The following EIF4G3 variants were observed in gnomAD, a reference collection of about 807,000 sequenced individuals.
The protein encoded by EIF4G3 is eIF-4-gamma 3.
Under a neutral mutation model 186.4 loss-of-function variants are expected in EIF4G3, and 34 were observed. That is an observed-to-expected ratio of 0.18 (90% CI 0.14 to 0.24). EIF4G3 has a LOEUF of 0.24. Among genes scored for constraint, EIF4G3 ranks in the 10% least tolerant of loss-of-function variants. EIF4G3 has a pLI of 1.00. For missense variants in EIF4G3, 1,536 were observed against 1,948.5 expected (o/e 0.79, Z 3.99); for synonymous variants, 673 against 679.5 (o/e 0.99, Z 0.15).
At chr1:21,095,434 C>T (rs569758930) in intron 2 of EIF4G3, among the ~76,000 whole-genome samples, 41 of 152,130 alleles carry the variant, frequency 2.7e-4, no homozygotes, top group Non-Finnish European at 5.0e-4. Context: ...ACCTCACTCA[C>T]CAGAGTAGCT....
At chr1:20,828,247 G>C (rs111983451) in intron 31 of EIF4G3, among the ~76,000 whole-genome samples, 175 of 152,164 alleles carry the variant, frequency 1.2e-3, no homozygotes, top group African/African-American at 4.1e-3. Flanking sequence ...GGCCAGGATG[G>C]TTTTGATTTC....
At chr1:21,072,688 C>T (rs2095479594) in intron 3 of EIF4G3, among the ~76,000 whole-genome samples, 1 of 152,160 alleles carries the variant, frequency 6.6e-6, no homozygotes, top group African/African-American at 2.4e-5. Flanking sequence ...AGGCGTGAGC[C>T]ACCACGCCTA....
rs369456402 is a variant in EIF4G3 at position 20,906,170 on chromosome 1, T to C, written c.1664-1199A>G. 9.8e-4 allele frequency among the ~76,000 whole-genome samples: 149 copies of C among 152,306 alleles called. 1 individual carries two copies. The Middle Eastern group carries it at 0.01, about 10-fold the overall frequency. On this transcript the variant is annotated intron_variant, in intron 14 of 36. Coordinates refer to ENST00000602326, the MANE Select transcript of EIF4G3 (RefSeq NM_001391906.1). Reference sequence around the variant, plus strand: ...GGAAACACTAATAGACCAGCTGACATTCTTCCTTTGTGTCCTACTCAAGGT... The same window carrying C: ...GGAAACACTAATAGACCAGCTGACACTCTTCCTTTGTGTCCTACTCAAGGT...
At position 20,807,186 on chromosome 1, in the gene EIF4G3, C is replaced by T. The variant is rs2058228423; in HGVS notation, c.*133G>A. On this transcript the variant is annotated 3_prime_UTR_variant, in exon 37 of 37. Transcript: ENST00000602326. The stretch of plus-strand genomic sequence containing the variant: ...CCATGATCACCTTTTTTTCTCTTTC[C>T]CCTCTCCCACTCGTGCACACGTGGG... 2.9e-6 allele frequency: 2 copies of T among 684,298 alleles called. No individual in the cohort carries two copies. The highest frequency in any genetic ancestry group is 3.3e-5 in the Admixed American group (1 of 30,748). The allele number at this position is 684,298 out of a possible 1,614,324, so 42.4% of individuals were successfully genotyped here.
chr1:21,132,604 A>G (rs573408372), intron 2 of EIF4G3, among the ~76,000 whole-genome samples: 1 of 151,918 alleles, frequency 6.6e-6, no homozygotes, highest in South Asian at 2.1e-4. Context: ...CACACCAAGC[A>G]TATTTTTTAT....
chr1:20,931,510 A>G (rs1176839192), intron 14 of EIF4G3, among the ~76,000 whole-genome samples: 1 of 152,178 alleles, frequency 6.6e-6, no homozygotes, highest in Non-Finnish European at 1.5e-5. Flanking sequence ...GACTTTCCAT[A>G]TGGTAAATGA....
chr1:20,970,334 C>G (rs1233072644), intron 11 of EIF4G3, among the ~76,000 whole-genome samples: 2 of 152,170 alleles, frequency 1.3e-5, no homozygotes, highest in Non-Finnish European at 2.9e-5. Context: ...CATACGTCGG[C>G]CAGGCGCGGT....
intron 3 of EIF4G3, among the ~76,000 whole-genome samples, chr1:21,061,451 A>G (rs1367116986): frequency 6.6e-6 from 1 of 152,192 alleles, no homozygotes; most frequent in African/African-American, 2.4e-5. Flanking sequence ...CAGAGATTCA[A>G]ATGGAAATAA....
chr1:21,039,356 T>A (rs180810692), intron 4 of EIF4G3, among the ~76,000 whole-genome samples: 2 of 152,250 alleles, frequency 1.3e-5, no homozygotes, highest in East Asian at 3.9e-4. Context: ...TTAAAATGAA[T>A]CATAGATCTA....
intron 27 of EIF4G3, 147 bp downstream of exon 27, chr1:20,853,413 T>G: frequency 9.3e-6 from 5 of 539,622 alleles, no homozygotes; most frequent in Non-Finnish European, 3.4e-6. Flanking sequence ...ATCTTAGAAA[T>G]TATAGTGTGT....
intron 20 of EIF4G3, among the ~76,000 whole-genome samples, chr1:20,872,911 A>AT (rs777594342): frequency 4.6e-5 from 7 of 151,584 alleles, no homozygotes; most frequent in Admixed American, 1.3e-4. Context: ...TAATTTTTGT[A>AT]TTTTTAGTAG....
chr1:20,884,296 CAG>C (rs2154554725), intron 19 of EIF4G3, among the ~76,000 whole-genome samples: 1 of 152,154 alleles, frequency 6.6e-6, no homozygotes, highest in East Asian at 1.9e-4. Flanking sequence ...CTGTTATAAA[CAG>C]AAACAGATTA....
intron 21 of EIF4G3, among the ~76,000 whole-genome samples, 197 bp downstream of exon 21, chr1:20,864,919 A>G (rs10916887): frequency 0.03 from 4,613 of 152,218 alleles, 228 homozygotes; most frequent in African/African-American, 0.1. Flanking sequence ...TGGCATGGAA[A>G]ATTTAGCTGT....
Position 21,005,545 on chromosome 1 carries a change from T to C in EIF4G3, c.-66-2737A>G, listed in dbSNP as rs2084819709. 2.0e-5 allele frequency among the ~76,000 whole-genome samples: 3 copies of C among 152,318 alleles called. No homozygotes were observed. In the South Asian group the frequency reaches 6.2e-4, roughly 32 times the overall value. On this transcript the variant is annotated intron_variant, in intron 4 of 36. Coordinates refer to ENST00000602326, the MANE Select transcript of EIF4G3 (RefSeq NM_001391906.1). Reference sequence around the variant, plus strand: ...TAGAAAGGGAATCCACTGTATTTCATTGAAGATGCTAAAAATATACATGAC... The same window carrying C: ...TAGAAAGGGAATCCACTGTATTTCACTGAAGATGCTAAAAATATACATGAC...
At chr1:20,957,231 G>A (rs890583900) in intron 12 of EIF4G3, among the ~76,000 whole-genome samples, 3 of 152,024 alleles carry the variant, frequency 2.0e-5, no homozygotes, top group African/African-American at 4.8e-5. Context: ...GTTCTTGGGG[G>A]CAAAAGGAAC....
intron 3 of EIF4G3, among the ~76,000 whole-genome samples, chr1:21,081,832 G>A (rs1228573444): frequency 2.6e-5 from 4 of 151,688 alleles, no homozygotes; most frequent in Non-Finnish European, 4.4e-5. Flanking sequence ...TAGTAGAGGC[G>A]GTGTTTCGCC....
In EIF4G3 at chr1:20,895,493, T is replaced by C; in HGVS notation, c.2008A>G (p.Lys670Glu). The C allele has an allele frequency of 6.2e-7, 1 of 1,613,930 alleles. No individual in the cohort carries two copies. The highest frequency in any genetic ancestry group is 8.5e-7 in the Non-Finnish European group (1 of 1,179,890). The stretch of plus-strand genomic sequence containing the variant: ...TTCTTACCTTCAGTATCAGTAGGCT[T>C]CCAGGATTCTAGAAAGAGGAATATA... ...VTFPFKPESW[K>E]PTDTEGKKQY... Residue 670 changes from lysine (K) to glutamate (E), a missense_variant, in exon 17 of 37, where the codon AAG (lysine) becomes GAG (glutamate). By Grantham distance (56) the Lys-to-Glu change is moderately conservative. Coordinates refer to ENST00000602326, the MANE Select transcript of EIF4G3 (RefSeq NM_001391906.1).
At chr1:21,170,709 T>C (rs1303003372) in intron 2 of EIF4G3, among the ~76,000 whole-genome samples, 1 of 151,124 alleles carries the variant, frequency 6.6e-6, no homozygotes, top group African/African-American at 2.4e-5. Flanking sequence ...AAGATCATGG[T>C]AGAGCATAGT....
rs1412480868 is a variant in EIF4G3 at position 20,811,269 on chromosome 1, C to A, written c.4598-385G>T. On this transcript the variant is annotated intron_variant, in intron 35 of 36. Transcript: ENST00000602326. Reference sequence around the variant, plus strand: ...GCTCCTGGCCTTTCTTCTTCTTCTTCTTCTTCTATTTTAGATTTTAAATAA... The same window carrying A: ...GCTCCTGGCCTTTCTTCTTCTTCTTATTCTTCTATTTTAGATTTTAAATAA... 2.6e-5 allele frequency among the ~76,000 whole-genome samples: 4 copies of A among 151,626 alleles called. No homozygotes were observed. In the East Asian group the frequency reaches 7.8e-4, roughly 29 times the overall value.
Sources: allele counts gnomAD v4.1 joint callset (sites outside exome capture counted in the v4.1 genomes callset), GRCh38; gene constraint gnomAD v4.1.1; transcripts MANE v1.5; gene names NCBI Gene and HGNC (gene_info 2026-07-23, HGNC 2026-07-21).